KATNBL1: variants seen among roughly 807,000 people sequenced by gnomAD.
The protein encoded by KATNBL1 is KATNB1-like protein 1.
In KATNBL1, 28 loss-of-function variants were observed where a neutral mutation model predicts 44.7. That is an observed-to-expected ratio of 0.63 (90% CI 0.46 to 0.86). The LOEUF is 0.86. KATNBL1 is among the 40% of genes least tolerant of loss of function. KATNBL1 has a pLI of 0.00. For missense variants in KATNBL1, 272 were observed against 350.7 expected (o/e 0.78, Z 1.79); for synonymous variants, 78 against 114.9 (o/e 0.68, Z 2.06).
At chr15:34,171,236 C>T (rs1401206682) in intron 1 of KATNBL1, among the ~76,000 whole-genome samples, 1 of 151,956 alleles carries the variant, frequency 6.6e-6, no homozygotes, top group Non-Finnish European at 1.5e-5. Flanking sequence ...AACAAATTGT[C>T]AAGAAAAAAA....
chr15:34,207,745 C>A (rs1469976205), intron 1 of KATNBL1, among the ~76,000 whole-genome samples: 2 of 152,210 alleles, frequency 1.3e-5, no homozygotes, highest in Non-Finnish European at 2.9e-5. Flanking sequence ...GGACTACAGA[C>A]ACATGCCACC....
intron 2 of KATNBL1, among the ~76,000 whole-genome samples, chr15:34,156,275 C>A (rs1888635267): frequency 6.6e-6 from 1 of 152,134 alleles, no homozygotes; most frequent in South Asian, 2.1e-4. Context: ...CGGGGGCTAA[C>A]CTGTGGGGTC....
chr15:34,162,492 C>T (rs1888837307), intron 2 of KATNBL1, among the ~76,000 whole-genome samples: 2 of 152,202 alleles, frequency 1.3e-5, no homozygotes, highest in South Asian at 4.1e-4. Context: ...TCTTTATCAG[C>T]AGCATGAAAA....
At chr15:34,199,222 A>G (rs1354390640) in intron 1 of KATNBL1, among the ~76,000 whole-genome samples, 1 of 152,168 alleles carries the variant, frequency 6.6e-6, no homozygotes, top group Non-Finnish European at 1.5e-5. Flanking sequence ...GCGGATCACG[A>G]GGTCAGGGGT....
At chr15:34,209,363 T>C (rs1387458954) in intron 1 of KATNBL1, 3 of 152,188 alleles carry the variant, frequency 2.0e-5, no homozygotes, top group South Asian at 4.1e-4. Context: ...ACCAACTCTT[T>C]GTTATCTCCA....
intron 1 of KATNBL1, among the ~76,000 whole-genome samples, chr15:34,181,150 A>G (rs1889505814): frequency 6.7e-6 from 1 of 150,040 alleles, no homozygotes; most frequent in Non-Finnish European, 1.5e-5. Context: ...TGTAGATTTT[A>G]ATGGATGCTG....
chr15:34,184,250 G>A (rs933319719), intron 1 of KATNBL1, among the ~76,000 whole-genome samples: 2 of 150,688 alleles, frequency 1.3e-5, no homozygotes, highest in Non-Finnish European at 1.5e-5. Flanking sequence ...AGCTTGCAGT[G>A]AGCCGAGATC....
intron 1 of KATNBL1, among the ~76,000 whole-genome samples, chr15:34,200,020 T>C (rs1275881693): frequency 1.3e-5 from 2 of 152,044 alleles, no homozygotes; most frequent in African/African-American, 4.8e-5. Context: ...CTTTACAGAG[T>C]GCTGGTCTAT....
At chr15:34,185,551 A>G (rs1411072462) in intron 1 of KATNBL1, among the ~76,000 whole-genome samples, 1 of 152,218 alleles carries the variant, frequency 6.6e-6, no homozygotes, top group Non-Finnish European at 1.5e-5. Context: ...ACCTATAGAT[A>G]TATAACCTCC....
rs1476483831 is a variant in KATNBL1, at chr15:34,181,583, CATATATATACACATATATATGTCCAT to C, written c.-14-17919_-14-17894del. Among the ~76,000 whole-genome samples, 91 of 51,828 alleles carry C rather than the reference CATATATATACACATATATATGTCCAT, an allele frequency of 1.8e-3. 4 individuals carry two copies. The highest frequency in any genetic ancestry group is 3.3e-3 in the Non-Finnish European group (66 of 19,750). 34.0% of individuals were successfully genotyped at this position (51,828 alleles called of 152,430 possible). A position where few individuals can be genotyped will look rare whatever the true frequency, so the allele number is the denominator to read the frequency against. On this transcript the variant is annotated intron_variant, in intron 1 of 9. Transcript: ENST00000256544. ...GTCCATATATATATCCATATATATA[CATATATATACACATATATATGTCCAT>C]ATATATACACATATATATGTCCATA... is the stretch of plus-strand genomic sequence containing the variant.
At chr15:34,149,484 T>G (rs1164187812) in intron 4 of KATNBL1, among the ~76,000 whole-genome samples, 1 of 151,712 alleles carries the variant, frequency 6.6e-6, no homozygotes, top group Non-Finnish European at 1.5e-5. Context: ...AGTGCAGTGG[T>G]GCAATCTCAG....
At chr15:34,183,410 T>TA (rs1279718903) in intron 1 of KATNBL1, among the ~76,000 whole-genome samples, 2 of 152,164 alleles carry the variant, frequency 1.3e-5, no homozygotes, top group African/African-American at 2.4e-5. Context: ...ACAATCTGGG[T>TA]AAAAAATTAA....
intron 1 of KATNBL1, among the ~76,000 whole-genome samples, chr15:34,184,426 C>T (rs1219035393): frequency 6.7e-6 from 1 of 148,222 alleles, no homozygotes; most frequent in African/African-American, 2.5e-5. Flanking sequence ...GAGATCGCTA[C>T]AGTGAACCGA....
chr15:34,180,453 T>G (rs1350636787), intron 1 of KATNBL1, among the ~76,000 whole-genome samples: 3 of 152,228 alleles, frequency 2.0e-5, no homozygotes, highest in Admixed American at 2.0e-4. Flanking sequence ...GTCCTGACTC[T>G]CCTTGTTCCC....
chr15:34,183,166 G>GCGACTACCAAGGCCAGCTCTAC (rs1889616007), intron 1 of KATNBL1, among the ~76,000 whole-genome samples: 1 of 152,166 alleles, frequency 6.6e-6, no homozygotes, highest in African/African-American at 2.4e-5. Flanking sequence ...GTTTTGACTG[G>GCGACTACCAAGGCCAGCTCTAC]CGACTACCAA....
chr15:34,178,228 G>A (rs1220201667), intron 1 of KATNBL1, among the ~76,000 whole-genome samples: 3 of 152,150 alleles, frequency 2.0e-5, no homozygotes, highest in Non-Finnish European at 4.4e-5. Context: ...TTTAAACAGC[G>A]TATTGAAGCC....
intron 2 of KATNBL1, among the ~76,000 whole-genome samples, chr15:34,158,451 T>C (rs900789682): frequency 9.2e-5 from 14 of 152,204 alleles, no homozygotes; most frequent in Non-Finnish European, 2.1e-4. Flanking sequence ...GGCAGCTTGT[T>C]TGGCTATTTG....
intron 1 of KATNBL1, among the ~76,000 whole-genome samples, chr15:34,180,534 T>C (rs1024393902): frequency 6.6e-6 from 1 of 152,236 alleles, no homozygotes; most frequent in African/African-American, 2.4e-5. Context: ...TATGCTTTCA[T>C]GGCTTCAGTT....
At chr15:34,191,953 CAAAAA>C (rs572381001) in intron 1 of KATNBL1, among the ~76,000 whole-genome samples, 3 of 90,672 alleles carry the variant, frequency 3.3e-5, no homozygotes, top group African/African-American at 1.2e-4. Context: ...GACTCCATCT[CAAAAA>C]AAAAAAAAAA....
Sources: gnomAD v4.1 joint callset for allele counts (sites outside exome capture counted in the v4.1 genomes callset) on GRCh38, gnomAD v4.1.1 for gene constraint, MANE v1.5 for transcripts, NCBI Gene and HGNC (gene_info 2026-07-23, HGNC 2026-07-21) for gene names.